The following DLGAP2 variants were observed in gnomAD, a reference collection of about 807,000 sequenced individuals.
DLGAP2 encodes the protein disks large-associated protein 2.
DLGAP2 carries 26 observed loss-of-function variants against 100.3 expected under a neutral mutation model. The observed-to-expected ratio is 0.26, with a 90% confidence interval of 0.19 to 0.36. The LOEUF (loss-of-function observed/expected upper bound fraction) is 0.36. Ranked by LOEUF, DLGAP2 falls within the 10% of genes least tolerant of loss-of-function variation. The pLI, the probability that DLGAP2 is intolerant of heterozygous loss-of-function variation, is 1.00. For synonymous variants in DLGAP2, 886 were observed against 630.1 expected (o/e 1.41, Z -6.08); for missense variants, 1,858 against 1,453.2 (o/e 1.28, Z -4.53).
intron 2 of DLGAP2, among the ~76,000 whole-genome samples, chr8:1,064,099 T>C (rs1322630130): frequency 6.6e-6 from 1 of 152,178 alleles, no homozygotes; most frequent in African/African-American, 2.4e-5. Context: ...ACTGCAGCTA[T>C]GGGAAAGCTT....
At chr8:1,332,149 G>A (rs1056327447) in intron 3 of DLGAP2, among the ~76,000 whole-genome samples, 9 of 152,210 alleles carry the variant, frequency 5.9e-5, no homozygotes, top group Non-Finnish European at 1.3e-4. Flanking sequence ...AGAAATGGGG[G>A]TGTGTGTGAG....
chr8:1,424,533 C>A (rs1209420872), intron 3 of DLGAP2, among the ~76,000 whole-genome samples: 1 of 152,194 alleles, frequency 6.6e-6, no homozygotes, highest in African/African-American at 2.4e-5. Flanking sequence ...TTGGGTGAAC[C>A]CTGAGGACAC....
chr8:1,112,760 A>T (rs77493387), intron 2 of DLGAP2, among the ~76,000 whole-genome samples: 10,223 of 152,226 alleles, frequency 0.067, 437 homozygotes, highest in East Asian at 0.22. Flanking sequence ...TGTTGCAGAA[A>T]TTGCATGAAT....
chr8:1,069,038 A>G (rs909236961), intron 2 of DLGAP2, among the ~76,000 whole-genome samples: 2 of 152,166 alleles, frequency 1.3e-5, no homozygotes, highest in African/African-American at 4.8e-5. Context: ...AAGAACAAAC[A>G]TTAAAAATCC....
intron 2 of DLGAP2, among the ~76,000 whole-genome samples, chr8:1,243,930 G>A (rs1798851425): frequency 1.3e-5 from 2 of 152,190 alleles, no homozygotes; most frequent in South Asian, 4.1e-4. Context: ...TCAAGTCCCT[G>A]CTGTGTGTCC....
chr8:1,321,371 G>A (rs566357542), intron 3 of DLGAP2, among the ~76,000 whole-genome samples: 8 of 151,934 alleles, frequency 5.3e-5, no homozygotes, highest in Non-Finnish European at 1.0e-4. Context: ...TACCATGTGC[G>A]TGCATGTGTA....
chr8:1,665,247 TAGTG>T (rs1327883643), intron 8 of DLGAP2, among the ~76,000 whole-genome samples: 1 of 152,174 alleles, frequency 6.6e-6, no homozygotes, highest in Non-Finnish European at 1.5e-5. Flanking sequence ...TAAATACACT[TAGTG>T]AGGTCTGTGA....
At chr8:1,040,874 C>T (rs1408594144) in intron 2 of DLGAP2, among the ~76,000 whole-genome samples, 1 of 152,216 alleles carries the variant, frequency 6.6e-6, no homozygotes, top group Admixed American at 6.5e-5. Context: ...CTTATTCTTC[C>T]TCAGCACGCA....
chr8:1,699,574 A>G (rs1332599230), intron 14 of DLGAP2, among the ~76,000 whole-genome samples: 1 of 152,086 alleles, frequency 6.6e-6, no homozygotes, highest in Non-Finnish European at 1.5e-5. Context: ...AGATCGTGCC[A>G]CTGCACTGCA....
chr8:911,843 G>C (rs776345950), intron 2 of DLGAP2, among the ~76,000 whole-genome samples: 16 of 152,222 alleles, frequency 1.1e-4, no homozygotes, highest in Non-Finnish European at 2.2e-4. Context: ...ACCTTCCATT[G>C]AATCCACATT....
chr8:1,515,953 G>A lies in DLGAP2; in HGVS notation c.172+14522G>A, dbSNP rs1800357675. Among the ~76,000 whole-genome samples the A allele has an allele frequency of 2.0e-5, 3 of 152,208 alleles. No individual in the cohort carries two copies. In the South Asian group the frequency reaches 6.2e-4, roughly 32 times the overall value. On this transcript the variant is annotated intron_variant, in intron 4 of 14. Coordinates refer to ENST00000637795, the MANE Select transcript of DLGAP2 (RefSeq NM_001346810.2). ...TGAGTGAATGAGTGCAGGAGGGAAT[G>A]ATCGAGTGAGTGAATGACTGGATGA... is the stretch of plus-strand genomic sequence containing the variant.
At chr8:897,918 G>A (rs1798175952) in intron 1 of DLGAP2, among the ~76,000 whole-genome samples, 1 of 152,116 alleles carries the variant, frequency 6.6e-6, no homozygotes. Flanking sequence ...CACGTGCAGC[G>A]AGTTGCTGTG....
At chr8:1,593,848 C>G (rs932804208) in intron 6 of DLGAP2, among the ~76,000 whole-genome samples, 3 of 152,230 alleles carry the variant, frequency 2.0e-5, no homozygotes, top group African/African-American at 7.2e-5. Flanking sequence ...AGAACTCCAT[C>G]TCTCAGCTTC....
chr8:1,661,421 G>A (rs1057121379), intron 8 of DLGAP2, among the ~76,000 whole-genome samples: 2 of 152,224 alleles, frequency 1.3e-5, no homozygotes, highest in Non-Finnish European at 2.9e-5. Flanking sequence ...TTACTGCACA[G>A]AAAGCCAATC....
intron 1 of DLGAP2, among the ~76,000 whole-genome samples, chr8:897,565 C>CGAG (rs1798167279): frequency 6.6e-6 from 1 of 152,188 alleles, no homozygotes; most frequent in Admixed American, 6.5e-5. Flanking sequence ...GGTAAGAAGC[C>CGAG]GAGGAGTCAC....
chr8:1,212,446 T>C (rs1394667030), intron 2 of DLGAP2, among the ~76,000 whole-genome samples: 2 of 152,124 alleles, frequency 1.3e-5, no homozygotes, highest in Non-Finnish European at 2.9e-5. Context: ...TTGGTAGAGA[T>C]CTATTTGATG....
At chr8:1,683,729 G>A (rs1443425710) in intron 12 of DLGAP2, among the ~76,000 whole-genome samples, 1 of 147,276 alleles carries the variant, frequency 6.8e-6, no homozygotes, top group Non-Finnish European at 1.5e-5. Flanking sequence ...GACTCCCAGA[G>A]AATCACCTCG....
At chr8:776,087 A>G (rs2132616069) in intron 1 of DLGAP2, among the ~76,000 whole-genome samples, 1 of 152,134 alleles carries the variant, frequency 6.6e-6, no homozygotes, top group East Asian at 1.9e-4. Flanking sequence ...GGGAGAGTGT[A>G]TGTGTTGAGG....
intron 8 of DLGAP2, 115 bp from the exon 9 acceptor site, chr8:1,668,214 A>C: frequency 1.1e-6 from 1 of 935,308 alleles, no homozygotes; most frequent in Non-Finnish European, 1.6e-6. Flanking sequence ...TTTAGGCTAG[A>C]CGTCCAGGAA....
Sources: allele counts gnomAD v4.1 joint callset (sites outside exome capture counted in the v4.1 genomes callset), GRCh38; gene constraint gnomAD v4.1.1; transcripts MANE v1.5; gene names NCBI Gene and HGNC (gene_info 2026-07-23, HGNC 2026-07-21).